Variants in DISP1 observed in about 807,000 individuals in gnomAD.
DISP1 encodes protein dispatched homolog 1.
Under a neutral mutation model 37.3 loss-of-function variants are expected in DISP1, and 30 were observed. That is an observed-to-expected ratio of 0.80 (90% confidence interval 0.60 to 1.09). The LOEUF is 1.09. DISP1 is among the 50% of genes least tolerant of loss of function. The pLI, the probability that DISP1 is intolerant of heterozygous loss-of-function variation, is 0.00. For missense variants in DISP1, 1,598 were observed against 1,879.5 expected, an observed-to-expected ratio of 0.85 and a Z score of 2.77; for synonymous variants, 634 against 690.2, an observed-to-expected ratio of 0.92 and a Z score of 1.28.
intron 1 of DISP1, among the ~76,000 whole-genome samples, chr1:222,852,535 C>T (rs1298022594): frequency 6.6e-6 from 1 of 152,032 alleles, no homozygotes; most frequent in Admixed American, 6.6e-5. Context: ...CTAAAATCAT[C>T]ATTCACATGA....
chr1:222,942,946 A>G lies in DISP1; in HGVS notation c.123A>G (p.Thr41=), dbSNP rs1558345087. 4 of 1,614,058 alleles carry G rather than the reference A, an allele frequency of 2.5e-6. No homozygotes were observed. Among genetic ancestry groups the G allele is most frequent in the Admixed American group, 1.7e-5 (1 of 60,004 alleles). The change falls in exon 3 of 9, where the codon ACA becomes ACG. Residue 41 remains threonine (T), a synonymous_variant. Transcript: ENST00000675850. ...CDGDHAAQQL[T]PKEATRTKVS... is the part of the protein sequence containing the mutation. ...GAGACCATGCAGCCCAGCAGCTCAC[A>G]CCCAAAGAAGCAACAAGAACAAAAG...
chr1:222,932,827 T>A (rs975322865), intron 2 of DISP1, among the ~76,000 whole-genome samples: 2 of 151,968 alleles, frequency 1.3e-5, no homozygotes, highest in African/African-American at 4.8e-5. Flanking sequence ...AGTGCTTTGA[T>A]AATTGCAATA....
At position 222,870,760 on chromosome 1, in the gene DISP1, G is replaced by A. The variant is rs1006641923; in HGVS notation, c.-159+55682G>A. On this transcript the variant is annotated intron_variant, in intron 1 of 8. Transcript: ENST00000675850. ...TAGGTTGCCTGTTCACTCTGATGGT[G>A]GTTTCTTTTGCTGTGCAGAAGCTCT... 1.6e-4 allele frequency among the ~76,000 whole-genome samples: 24 copies of A among 152,096 alleles called. 1 individual carries two copies. Among genetic ancestry groups the A allele is most frequent in the South Asian group, 4.2e-4 (2 of 4,814 alleles).
intron 1 of DISP1, among the ~76,000 whole-genome samples, chr1:222,894,897 GA>G (rs748017481): frequency 5.9e-5 from 9 of 152,172 alleles, no homozygotes; most frequent in Non-Finnish European, 1.0e-4. Flanking sequence ...TAACCTACGA[GA>G]TTGAGAATTC....
intron 3 of DISP1, among the ~76,000 whole-genome samples, chr1:222,974,626 C>T (rs1198359556): frequency 6.6e-6 from 1 of 152,122 alleles, no homozygotes; most frequent in African/African-American, 2.4e-5. Context: ...TTTGAGTCAG[C>T]ATCTCGTAAG....
chr1:222,843,986 T>C (rs555794573), intron 1 of DISP1, among the ~76,000 whole-genome samples: 3 of 152,304 alleles, frequency 2.0e-5, no homozygotes, highest in African/African-American at 2.4e-5. Context: ...GGAATTACGA[T>C]AGTCCTTAAA....
intron 4 of DISP1, among the ~76,000 whole-genome samples, chr1:222,984,444 A>C (rs1678110897): frequency 7.0e-6 from 1 of 143,492 alleles, no homozygotes; most frequent in Non-Finnish European, 1.5e-5. Context: ...ATAGAGAGAG[A>C]GAGAGAGAGA....
At chr1:222,818,496 G>A (rs985208631) in intron 1 of DISP1, among the ~76,000 whole-genome samples, 4 of 152,132 alleles carry the variant, frequency 2.6e-5, no homozygotes, top group African/African-American at 7.2e-5. Flanking sequence ...ATGGTTCTCC[G>A]GAGAAACAGA....
chr1:222,825,703 A>G (rs1171907069), intron 1 of DISP1, among the ~76,000 whole-genome samples: 3 of 152,044 alleles, frequency 2.0e-5, no homozygotes, highest in Non-Finnish European at 4.4e-5. Flanking sequence ...GGGTTTCACC[A>G]TGTTGGCCAG....
chr1:222,858,886 A>G (rs1668711643), intron 1 of DISP1, among the ~76,000 whole-genome samples: 1 of 152,236 alleles, frequency 6.6e-6, no homozygotes, highest in Non-Finnish European at 1.5e-5. Context: ...TGTTGGTGGG[A>G]ATGTAAATTA....
intron 1 of DISP1, among the ~76,000 whole-genome samples, chr1:222,867,831 T>C (rs946216826): frequency 5.9e-5 from 9 of 152,204 alleles, no homozygotes; most frequent in Admixed American, 6.5e-5. Flanking sequence ...TATTAAAATT[T>C]AGGGCTTTGA....
At chr1:222,975,282 C>T (rs1211577707) in intron 3 of DISP1, among the ~76,000 whole-genome samples, 1 of 152,122 alleles carries the variant, frequency 6.6e-6, no homozygotes, top group Non-Finnish European at 1.5e-5. Flanking sequence ...AGCTGGGCCT[C>T]CCAAAGTACT....
At chr1:222,852,942 AAAAC>A (rs1463280390) in intron 1 of DISP1, among the ~76,000 whole-genome samples, 14 of 152,354 alleles carry the variant, frequency 9.2e-5, no homozygotes, top group Middle Eastern at 3.4e-3. Context: ...GTATTTGAGA[AAAAC>A]AAATATATCT....
At chr1:222,823,477 G>A (rs1663478166) in intron 1 of DISP1, among the ~76,000 whole-genome samples, 1 of 151,878 alleles carries the variant, frequency 6.6e-6, no homozygotes, top group Non-Finnish European at 1.5e-5. Flanking sequence ...TAAATAACAT[G>A]TACACATGGA....
intron 1 of DISP1, among the ~76,000 whole-genome samples, chr1:222,838,149 C>T (rs1372514471): frequency 6.6e-6 from 1 of 152,082 alleles, no homozygotes; most frequent in East Asian, 1.9e-4. Flanking sequence ...CTTTCCCTCT[C>T]AACTTTTCTT....
intron 3 of DISP1, among the ~76,000 whole-genome samples, chr1:222,955,982 A>G (rs76582019): frequency 0.017 from 2,567 of 152,284 alleles, 68 homozygotes; most frequent in South Asian, 0.11. Context: ...ATAGTTACCA[A>G]ATACTTTGAG....
In DISP1 at chr1:222,965,957, C is replaced by G. The variant is rs566691597; in HGVS notation, c.510-17123C>G. ...GGAGGGAGGGAGGATCACTTGAGCC[C>G]AAGAGATCAAGGCTGCAGTGAGCCA... On this transcript the variant is annotated intron_variant, in intron 3 of 8. Transcript: ENST00000675850. 2.0e-5 allele frequency among the ~76,000 whole-genome samples: 3 copies of G among 152,050 alleles called. No individual in the cohort carries two copies. The South Asian group carries it at 6.2e-4, about 32-fold the overall frequency.
chr1:222,818,374 C>T (rs896945777), intron 1 of DISP1, among the ~76,000 whole-genome samples: 3 of 152,034 alleles, frequency 2.0e-5, no homozygotes, highest in Admixed American at 6.6e-5. Flanking sequence ...ATCCCTCCCA[C>T]CTCTTGTGTG....
chr1:222,932,192 A>AT (rs1673442133), intron 2 of DISP1, among the ~76,000 whole-genome samples: 1 of 151,972 alleles, frequency 6.6e-6, no homozygotes, highest in African/African-American at 2.4e-5. Context: ...TAAAGTATAA[A>AT]TCAGTGGCTC....
Sources: allele counts gnomAD v4.1 joint callset (sites outside exome capture counted in the v4.1 genomes callset), GRCh38; gene constraint gnomAD v4.1.1; transcripts MANE v1.5; gene names NCBI Gene and HGNC (gene_info 2026-07-23, HGNC 2026-07-21).